COL12A1: variants seen among roughly 807,000 people sequenced by gnomAD.
COL12A1 encodes the protein collagen type XII alpha 1 chain, also known as collagen alpha-1(XII) chain.
Under a neutral mutation model 349.7 loss-of-function variants are expected in COL12A1, and 114 were observed. The ratio of observed to expected loss-of-function variants is 0.33; its 90% CI spans 0.28 to 0.38. The LOEUF is 0.38. COL12A1 is among the 10% of genes least tolerant of loss of function. The probability of loss-of-function intolerance (pLI) is 1.00; values close to 1 mark genes in which losing one functional copy is unlikely to be tolerated. For missense variants in COL12A1, 3,284 were observed against 3,756.9 expected (o/e 0.87, Z 3.29); for synonymous variants, 1,369 against 1,329.0 (o/e 1.03, Z -0.66).
At chr6:75,120,656 G>A (rs1769310374) in intron 44 of COL12A1, among the ~76,000 whole-genome samples, 1 of 152,146 alleles carries the variant, frequency 6.6e-6, no homozygotes, top group South Asian at 2.1e-4. Flanking sequence ...ACCAGAGGGG[G>A]TGAAATTTTA....
chr6:75,134,135 A>G, intron 32 of COL12A1, 138 bp from the exon 33 acceptor site: 1 of 885,414 alleles, frequency 1.1e-6, no homozygotes, highest in Non-Finnish European at 1.7e-6. Flanking sequence ...TGAATAAACG[A>G]CACACACTGT....
chr6:75,103,057 C>T (rs1768378386), intron 55 of COL12A1, among the ~76,000 whole-genome samples: 1 of 152,160 alleles, frequency 6.6e-6, no homozygotes, highest in Admixed American at 6.5e-5. Context: ...TCTTAGACTT[C>T]AGCTTATTTC....
intron 13 of COL12A1, among the ~76,000 whole-genome samples, chr6:75,172,373 T>C (rs1768681911): frequency 6.6e-6 from 1 of 152,198 alleles, no homozygotes; most frequent in South Asian, 2.1e-4. Flanking sequence ...AGCATAAATA[T>C]ATTTTTAAAA....
intron 13 of COL12A1, among the ~76,000 whole-genome samples, chr6:75,168,417 G>T (rs1258495396): frequency 1.3e-5 from 2 of 152,214 alleles, no homozygotes; most frequent in African/African-American, 4.8e-5. Flanking sequence ...GGTACAGTTG[G>T]CAGGATGGAA....
chr6:75,161,286 T>C (rs1177571174), intron 14 of COL12A1, among the ~76,000 whole-genome samples: 2 of 152,230 alleles, frequency 1.3e-5, no homozygotes, highest in Non-Finnish European at 2.9e-5. Context: ...GAGAACTTGT[T>C]AACTTTAAAT....
At chr6:75,133,055 A>G (rs1477932935) in intron 34 of COL12A1, among the ~76,000 whole-genome samples, 2 of 152,274 alleles carry the variant, frequency 1.3e-5, no homozygotes, top group Non-Finnish European at 2.9e-5. Context: ...TAGTATACTG[A>G]TGATTATATG....
intron 19 of COL12A1, 26 bp downstream of exon 19, chr6:75,152,105 A>C: frequency 1.2e-6 from 2 of 1,613,808 alleles, no homozygotes; most frequent in African/African-American, 2.7e-5. Context: ...CATGAGCTGA[A>C]AGACTGTCAG....
At chr6:75,159,928 A>T (rs541077409) in intron 14 of COL12A1, among the ~76,000 whole-genome samples, 2 of 152,116 alleles carry the variant, frequency 1.3e-5, no homozygotes, top group Non-Finnish European at 2.9e-5. Context: ...GATATCTCAT[A>T]CCTTGATATA....
chr6:75,189,185 A>C (rs757000243), intron 7 of COL12A1, 32 bp downstream of exon 7: 1 of 1,604,944 alleles, frequency 6.2e-7, no homozygotes, highest in South Asian at 1.1e-5. Context: ...TAGGAGTTGT[A>C]AAATGGAAAT....
chr6:75,085,080 G>T lies in COL12A1; in HGVS notation c.*1467C>A, dbSNP rs767733074. Reference sequence around the variant, plus strand: ...AATCAGAAAGGGTACTCCTGGATGAGCAACGCTGGAAGAAACACCTCAGAA... The same window carrying T: ...AATCAGAAAGGGTACTCCTGGATGATCAACGCTGGAAGAAACACCTCAGAA... On this transcript the variant is annotated 3_prime_UTR_variant, in exon 66 of 66. Transcript: ENST00000322507. 11 of 353,748 alleles carry T rather than the reference G, an allele frequency of 3.1e-5. No individual in the cohort carries two copies. The highest frequency in any genetic ancestry group is 5.7e-5 in the Non-Finnish European group (10 of 176,090). The allele number at this position is 353,748 out of a possible 1,614,324, so 21.9% of individuals were successfully genotyped here. A position where few individuals can be genotyped will look rare whatever the true frequency, so the allele number is the denominator to read the frequency against.
At position 75,132,037 on chromosome 6, in the gene COL12A1, G is replaced by A. The variant is rs768626277; in HGVS notation, c.5840C>T (p.Pro1947Leu). ...GTCCCAGCGAACATCGAGGCTGTTAGGTGTAGGATTGTATACTTGGACATT... is the reference window on the plus strand; with the variant it reads ...GTCCCAGCGAACATCGAGGCTGTTAAGTGTAGGATTGTATACTTGGACATT... ...ARNVQVYNPT[P>L]NSLDVRWDPA... The change falls in exon 35 of 66, where the codon CCT (proline) becomes CTT (leucine). Residue 1947 changes from proline (P) to leucine (L), a missense_variant. Pro to Leu is a moderately conservative substitution (Grantham distance 98). This residue lies in a region of COL12A1 where 2,601 missense variants were observed against 2,824.8 expected (regional missense o/e 0.92). Transcript: ENST00000322507. 4.0e-5 allele frequency: 65 copies of A among 1,614,026 alleles called. 1 individual carries two copies. In the South Asian group the frequency reaches 6.3e-4, roughly 16 times the overall value.
intron 14 of COL12A1, among the ~76,000 whole-genome samples, chr6:75,158,298 G>A (rs911879332): frequency 2.0e-5 from 3 of 152,072 alleles, no homozygotes; most frequent in Non-Finnish European, 4.4e-5. Context: ...AGAAAAAAAG[G>A]AGACACCAAA....
rs574334559 is a variant in COL12A1, at chr6:75,204,973, G to A, written c.-36+804C>T. Reference sequence around the variant, plus strand: ...CCAGAGTCCCAGGGAGCCCTGAACTGGTCACTGAAGGGCTCCCGAGGTCGC... The same window carrying A: ...CCAGAGTCCCAGGGAGCCCTGAACTAGTCACTGAAGGGCTCCCGAGGTCGC... On this transcript the variant is annotated intron_variant, in intron 1 of 65. Coordinates refer to ENST00000322507, the MANE Select transcript of COL12A1 (RefSeq NM_004370.6). 1.3e-3 allele frequency among the ~76,000 whole-genome samples: 191 copies of A among 152,088 alleles called. 1 individual carries two copies. The highest frequency in any genetic ancestry group is 2.3e-3 in the Non-Finnish European group (159 of 67,998).
chr6:75,119,020 A>G, intron 46 of COL12A1, 23 bp downstream of exon 46: 3 of 1,611,360 alleles, frequency 1.9e-6, no homozygotes, highest in Non-Finnish European at 2.5e-6. Flanking sequence ...TTCAAGTGCA[A>G]TCAAATTCAT....
At position 75,133,897 on chromosome 6, in the gene COL12A1, C is replaced by T. The variant is rs768333048; in HGVS notation, c.5625G>A (p.Lys1875=). Residue 1875 remains lysine, a synonymous_variant, in exon 33 of 66, where the codon AAG becomes AAA. Coordinates refer to ENST00000322507, the MANE Select transcript of COL12A1 (RefSeq NM_004370.6). ...DHAEGNPRQY[K]LFYAPAAGGP... ...CACCTGCTGCTGGTGCATAGAAGAG[C>T]TTGTACTGACGAGGATTTCCCTCTG... is the stretch of plus-strand genomic sequence containing the variant. 35 of 1,613,980 alleles carry T rather than the reference C, an allele frequency of 2.2e-5. 1 individual carries two copies. The highest frequency in any genetic ancestry group is 3.3e-5 in the South Asian group (3 of 91,088).
At position 75,155,768 on chromosome 6, in the gene COL12A1, C is replaced by T. The variant is rs199854195; in HGVS notation, c.3337G>A (p.Glu1113Lys). 1.9e-6 allele frequency: 3 copies of T among 1,613,676 alleles called. No homozygotes were observed. The Admixed American group carries it at 5.0e-5, about 27-fold the overall frequency. Residue 1113 changes from glutamate (E) to lysine (K), a missense_variant, in exon 16 of 66, where the codon GAA (glutamate) becomes AAA (lysine). Physicochemically the swap from Glu to Lys is moderately conservative, Grantham distance 56. Around this residue, in one of 2 missense-constraint regions of COL12A1, gnomAD observed 2,601 missense variants for 2,824.8 expected, o/e 0.92. Transcript: ENST00000322507. Reference sequence around the variant, plus strand: ...AATGTGACTTTATAACCCTTCACTTCCCCAGGGGCAGGCTCCCAAGTCACT... The same window carrying T: ...AATGTGACTTTATAACCCTTCACTTTCCCAGGGGCAGGCTCCCAAGTCACT... ...FRVTWEPAPG[E>K]VKGYKVTFHP...
chr6:75,172,888 C>T (rs777435141), intron 13 of COL12A1, among the ~76,000 whole-genome samples: 7 of 152,240 alleles, frequency 4.6e-5, no homozygotes, highest in East Asian at 1.9e-4. Context: ...CACCTATATC[C>T]GGGGGCCAAC....
intron 31 of COL12A1, among the ~76,000 whole-genome samples, chr6:75,135,516 ATCTAGC>A (rs1323918224): frequency 6.6e-6 from 1 of 152,230 alleles, no homozygotes; most frequent in East Asian, 1.9e-4. Context: ...ACTTAAGGCC[ATCTAGC>A]TATCTTGTTG....
At position 75,130,071 on chromosome 6, in the gene COL12A1, T is replaced by A. The variant is rs377223538; in HGVS notation, c.6210+20A>T. On this transcript the variant is annotated intron_variant, in intron 37 of 65. Transcript: ENST00000322507. ...CAGCTAAGATGATAAAATGTGCCAA[T>A]AAATGAGTATCAGACTTACATATTC... 8.7e-6 allele frequency: 14 copies of A among 1,610,980 alleles called. No individual in the cohort carries two copies. In the South Asian group the frequency reaches 1.5e-4, roughly 18 times the overall value.
Sources: allele counts gnomAD v4.1 joint callset (sites outside exome capture counted in the v4.1 genomes callset), GRCh38; gene constraint gnomAD v4.1.1; regional missense constraint gnomAD v4.1.1; transcripts MANE v1.5; gene names NCBI Gene and HGNC (gene_info 2026-07-23, HGNC 2026-07-21).